Variants in KBTBD12 observed in about 807,000 individuals in gnomAD.
KBTBD12 encodes the protein kelch repeat and BTB domain-containing protein 12.
In KBTBD12, 53 loss-of-function variants were observed where a neutral mutation model predicts 58.7. The observed-to-expected ratio is 0.90, with a 90% confidence interval of 0.72 to 1.14. The LOEUF is 1.14. Ranked by LOEUF, KBTBD12 falls within the 50% of genes most tolerant of loss-of-function variation. KBTBD12 has a pLI of 0.00. For synonymous variants in KBTBD12, 236 were observed against 259.8 expected, an observed-to-expected ratio of 0.91 and a Z score of 0.88; for missense variants, 704 against 751.3, an observed-to-expected ratio of 0.94 and a Z score of 0.74.
chr3:127,954,350 G>A (rs1406774005), intron 4 of KBTBD12, among the ~76,000 whole-genome samples: 2 of 152,076 alleles, frequency 1.3e-5, no homozygotes, highest in Non-Finnish European at 2.9e-5. Context: ...TAAAATTTGG[G>A]GGAAGGTAGA....
intron 5 of KBTBD12, among the ~76,000 whole-genome samples, chr3:127,973,581 A>C (rs1223717671): frequency 6.6e-6 from 1 of 152,210 alleles, no homozygotes; most frequent in Non-Finnish European, 1.5e-5. Context: ...TAGAAGAAGT[A>C]TGCTGAGTAT....
intron 4 of KBTBD12, among the ~76,000 whole-genome samples, chr3:127,944,869 A>G (rs1047989805): frequency 2.0e-5 from 3 of 151,492 alleles, no homozygotes; most frequent in African/African-American, 7.3e-5. Context: ...ATTTTATTTT[A>G]TTTTTTGTTA....
chr3:127,977,964 T>C (rs972573424), intron 5 of KBTBD12, among the ~76,000 whole-genome samples: 2 of 152,206 alleles, frequency 1.3e-5, no homozygotes, highest in Non-Finnish European at 2.9e-5. Context: ...TTTTAGGCTA[T>C]ACATTTAAAT....
chr3:127,979,281 G>A (rs750775545), intron 5 of KBTBD12, among the ~76,000 whole-genome samples: 5 of 152,178 alleles, frequency 3.3e-5, no homozygotes, highest in Non-Finnish European at 7.3e-5. Context: ...CTAACCCCAA[G>A]ATGGCACAGA....
At chr3:127,944,022 A>G (rs1419723511) in intron 4 of KBTBD12, among the ~76,000 whole-genome samples, 1 of 152,094 alleles carries the variant, frequency 6.6e-6, no homozygotes, top group East Asian at 1.9e-4. Context: ...TGGGCTCTCT[A>G]TTCCATTTTA....
intron 5 of KBTBD12, among the ~76,000 whole-genome samples, chr3:127,974,769 C>T (rs560669319): frequency 1.3e-5 from 2 of 152,234 alleles, no homozygotes; most frequent in East Asian, 1.9e-4. Flanking sequence ...TGGGGGAACA[C>T]GAGGTGAGAC....
chr3:127,920,630 A>G (rs969175173), intron 1 of KBTBD12, among the ~76,000 whole-genome samples: 6 of 152,140 alleles, frequency 3.9e-5, no homozygotes, highest in Non-Finnish European at 5.9e-5. Context: ...TATAGTAAAG[A>G]TAATGTAAAG....
Position 127,923,046 on chromosome 3 carries a change from C to A in KBTBD12, c.-16C>A. ...CACTTAAAGAAGACTTAGTTGGAAA[C>A]TTTGGAGAGTAGATCATGGAGTGCA... On this transcript the variant is annotated 5_prime_UTR_variant, in exon 2 of 6. Transcript: ENST00000405109. 1 of 1,503,348 alleles carries A rather than the reference C, an allele frequency of 6.7e-7. No homozygotes were observed. The highest frequency in any genetic ancestry group is 1.7e-5 in the Admixed American group (1 of 58,686). 93.1% of individuals were successfully genotyped at this position (1,503,348 alleles called of 1,614,324 possible).
At chr3:127,963,658 A>C in intron 5 of KBTBD12, 1 of 365,804 alleles carries the variant, frequency 2.7e-6, no homozygotes, top group South Asian at 5.3e-5. Flanking sequence ...GATCTTGGAA[A>C]CTAAGCAGGG....
At chr3:127,954,402 T>C (rs1940275733) in intron 4 of KBTBD12, among the ~76,000 whole-genome samples, 1 of 152,188 alleles carries the variant, frequency 6.6e-6, no homozygotes, top group Non-Finnish European at 1.5e-5. Context: ...TTATGAGTCC[T>C]TGGTGAATGC....
intron 1 of KBTBD12, among the ~76,000 whole-genome samples, chr3:127,919,468 T>C (rs1939345386): frequency 6.6e-6 from 1 of 152,186 alleles, no homozygotes; most frequent in Admixed American, 6.5e-5. Context: ...GACCTTGTGA[T>C]CCACCCACCT....
At chr3:127,924,241 A>G in intron 2 of KBTBD12, 110 bp downstream of exon 2, 2 of 648,316 alleles carry the variant, frequency 3.1e-6, no homozygotes, top group Non-Finnish European at 5.3e-6. Context: ...AGTCAAAATT[A>G]CCCTATACAT....
intron 4 of KBTBD12, among the ~76,000 whole-genome samples, chr3:127,960,984 G>A (rs1255189136): frequency 6.6e-6 from 1 of 152,154 alleles, no homozygotes; most frequent in African/African-American, 2.4e-5. Context: ...AAATTTGTGA[G>A]CTGGATTCAG....
chr3:127,923,572 G>C lies in KBTBD12; in HGVS notation c.511G>C (p.Glu171Gln). Residue 171 changes from glutamate to glutamine, a missense_variant, in exon 2 of 6, where the codon GAA becomes CAA. Coordinates refer to ENST00000405109, the MANE Select transcript of KBTBD12 (RefSeq NM_207335.4). The stretch of plus-strand genomic sequence containing the variant: ...GGTGAGCTTACATGAAGAAATACTA[G>C]AAATCGAAGTGCACCAATTTTTGAC... Reference protein sequence around the residue: ...AEVSLHEEILEIEVHQFLTLI... With the variant: ...AEVSLHEEILQIEVHQFLTLI... 1 of 1,613,362 alleles carries C rather than the reference G, an allele frequency of 6.2e-7. No homozygotes were observed. Among genetic ancestry groups the C allele is most frequent in the Non-Finnish European group, 8.5e-7 (1 of 1,179,718 alleles).
chr3:127,984,434 G>A lies in KBTBD12; in HGVS notation c.*156G>A. 3 of 668,610 alleles carry A rather than the reference G, an allele frequency of 4.5e-6. No individual in the cohort carries two copies. The highest frequency in any genetic ancestry group is 7.4e-6 in the Non-Finnish European group (3 of 404,162). The allele number at this position is 668,610 out of a possible 1,614,324, so 41.4% of individuals were successfully genotyped here. On this transcript the variant is annotated 3_prime_UTR_variant, in exon 6 of 6. Transcript: ENST00000405109. ...GTGCTGGGCACTGGGTGGGGAGCAT[G>A]GGGAGTCTCCCTTCAGGGACTTCCC...
intron 4 of KBTBD12, among the ~76,000 whole-genome samples, chr3:127,961,131 G>A (rs535172776): frequency 1.3e-5 from 2 of 152,272 alleles, no homozygotes; most frequent in South Asian, 4.1e-4. Flanking sequence ...CACAAAAACA[G>A]ACAACTAGAT....
At chr3:127,934,010 C>CA (rs139272097) in intron 4 of KBTBD12, among the ~76,000 whole-genome samples, 3,101 of 151,838 alleles carry the variant, frequency 0.02, 118 homozygotes, top group African/African-American at 0.07. Context: ...CCAGTACCAA[C>CA]AAAAAATCAC....
intron 5 of KBTBD12, 81 bp downstream of exon 5, chr3:127,963,467 A>G (rs1364654309): frequency 7.8e-7 from 1 of 1,285,812 alleles, no homozygotes. Flanking sequence ...CACCACTAAT[A>G]TTCCTGAGAG....
intron 5 of KBTBD12, among the ~76,000 whole-genome samples, chr3:127,980,014 C>G (rs1254047001): frequency 2.0e-5 from 3 of 152,160 alleles, no homozygotes; most frequent in Non-Finnish European, 4.4e-5. Context: ...CTAAATAAGT[C>G]TTGGGTTAAA....
Sources: gnomAD v4.1 joint callset for allele counts (sites outside exome capture counted in the v4.1 genomes callset) on GRCh38, gnomAD v4.1.1 for gene constraint, MANE v1.5 for transcripts, NCBI Gene and HGNC (gene_info 2026-07-23, HGNC 2026-07-21) for gene names.